Variants in SYT1 observed in about 807,000 individuals in gnomAD.
SYT1 encodes synaptotagmin-1.
In SYT1, 8 loss-of-function variants were observed where a neutral mutation model predicts 44.8. The ratio of observed to expected loss-of-function variants is 0.18; its 90% confidence interval spans 0.10 to 0.32. The LOEUF (loss-of-function observed/expected upper bound fraction) is 0.32, where lower values mean the gene tolerates loss of function less well. Ranked by LOEUF, SYT1 falls within the 10% of genes least tolerant of loss-of-function variation. SYT1 has a pLI of 1.00. For synonymous variants in SYT1, 154 were observed against 188.8 expected (o/e 0.82, Z 1.51); for missense variants, 286 against 509.3 (o/e 0.56, Z 4.22).
At chr12:78,994,486 CTTTT>C (rs376614789) in intron 2 of SYT1, among the ~76,000 whole-genome samples, 15 of 130,702 alleles carry the variant, frequency 1.1e-4, no homozygotes, top group African/African-American at 4.2e-4. Context: ...TTTTCTTCTC[CTTTT>C]TTTTTTTTTT....
At chr12:78,986,364 C>T (rs929790917) in intron 2 of SYT1, among the ~76,000 whole-genome samples, 4 of 151,634 alleles carry the variant, frequency 2.6e-5, no homozygotes, top group African/African-American at 9.7e-5. Context: ...TGTTTTTCCC[C>T]AAATTATTTT....
intron 3 of SYT1, among the ~76,000 whole-genome samples, chr12:79,056,123 T>C (rs1874918961): frequency 6.6e-6 from 1 of 152,068 alleles, no homozygotes; most frequent in Non-Finnish European, 1.5e-5. Flanking sequence ...TATAAGTACA[T>C]GCTATGCTGT....
At chr12:79,397,444 G>A (rs1323745738) in intron 9 of SYT1, among the ~76,000 whole-genome samples, 1 of 152,088 alleles carries the variant, frequency 6.6e-6, no homozygotes, top group African/African-American at 2.4e-5. Context: ...GCCCAGGCTG[G>A]TCTCGAACTC....
At chr12:79,263,736 C>A (rs1877965275) in intron 4 of SYT1, among the ~76,000 whole-genome samples, 1 of 152,000 alleles carries the variant, frequency 6.6e-6, no homozygotes, top group South Asian at 2.1e-4. Context: ...GCTTTTAATC[C>A]CCTAAGGAAA....
At chr12:78,925,341 T>C (rs1196833907) in intron 1 of SYT1, among the ~76,000 whole-genome samples, 1 of 152,014 alleles carries the variant, frequency 6.6e-6, no homozygotes, top group Non-Finnish European at 1.5e-5. Flanking sequence ...CTCACTAGAA[T>C]TGAATATTTG....
intron 3 of SYT1, among the ~76,000 whole-genome samples, chr12:79,190,445 C>T (rs1346725586): frequency 6.6e-6 from 1 of 152,140 alleles, no homozygotes; most frequent in East Asian, 1.9e-4. Flanking sequence ...CACACACACA[C>T]ATACATTTTC....
rs2138150147 is a variant in SYT1, at chr12:79,124,908, T to C, written c.-18+77546T>C. Among the ~76,000 whole-genome samples, 4 of 151,914 alleles carry C rather than the reference T, an allele frequency of 2.6e-5. No individual in the cohort carries two copies. In the South Asian group the frequency reaches 8.3e-4, roughly 32 times the overall value. On this transcript the variant is annotated intron_variant, in intron 3 of 10. Transcript: ENST00000261205. ...AGAGCTTCATTTGTTTCAAATGAAA[T>C]GAAGGGGAAAAAAGACTGGAGGAAA...
intron 2 of SYT1, among the ~76,000 whole-genome samples, chr12:78,988,609 G>A (rs1869814763): frequency 6.6e-6 from 1 of 151,864 alleles, no homozygotes; most frequent in African/African-American, 2.4e-5. Flanking sequence ...GAAGAGCATT[G>A]CAGACATAAA....
At chr12:79,163,963 G>A (rs1871101160) in intron 3 of SYT1, among the ~76,000 whole-genome samples, 1 of 152,008 alleles carries the variant, frequency 6.6e-6, no homozygotes, top group Non-Finnish European at 1.5e-5. Flanking sequence ...TATTGAATGA[G>A]AAAGAATTCT....
chr12:79,264,631 G>T (rs1412185098), intron 4 of SYT1, among the ~76,000 whole-genome samples: 1 of 152,156 alleles, frequency 6.6e-6, no homozygotes, highest in Non-Finnish European at 1.5e-5. Context: ...TAAAAATCTT[G>T]CTACTAATAC....
At chr12:79,293,349 A>G (rs576991462) in intron 6 of SYT1, among the ~76,000 whole-genome samples, 1,145 of 58,814 alleles carry the variant, frequency 0.019, 38 homozygotes, top group Middle Eastern at 0.098. Flanking sequence ...ATAAAATAAA[A>G]TAAAATAAAA....
chr12:78,885,289 GAAGGAGAGAAGA>G (rs1184343550), intron 1 of SYT1, among the ~76,000 whole-genome samples: 12 of 133,752 alleles, frequency 9.0e-5, no homozygotes, highest in Non-Finnish European at 1.9e-4. Flanking sequence ...AGGAGGGAAG[GAAGGAGAGAAGA>G]AAGGAGAGAG....
intron 3 of SYT1, among the ~76,000 whole-genome samples, chr12:79,051,072 C>A (rs1345721200): frequency 6.6e-6 from 1 of 151,534 alleles, no homozygotes; most frequent in Non-Finnish European, 1.5e-5. Flanking sequence ...TAATTAACCA[C>A]CCACCATTTT....
At chr12:79,255,275 A>G (rs953770834) in intron 4 of SYT1, among the ~76,000 whole-genome samples, 1 of 152,220 alleles carries the variant, frequency 6.6e-6, no homozygotes. Flanking sequence ...AAGACCCTGC[A>G]CCTGCAAAAG....
chr12:79,332,840 C>G (rs1881918161), intron 8 of SYT1, among the ~76,000 whole-genome samples: 1 of 152,172 alleles, frequency 6.6e-6, no homozygotes, highest in Non-Finnish European at 1.5e-5. Context: ...TTCACACACT[C>G]TCTTACCTAT....
At chr12:79,266,502 TAC>T (rs1878135678) in intron 4 of SYT1, among the ~76,000 whole-genome samples, 1 of 152,140 alleles carries the variant, frequency 6.6e-6, no homozygotes, top group South Asian at 2.1e-4. Context: ...GTCATGTGCT[TAC>T]AGTTGCAGTG....
intron 2 of SYT1, among the ~76,000 whole-genome samples, chr12:79,012,016 C>T (rs926381838): frequency 6.6e-6 from 1 of 151,698 alleles, no homozygotes; most frequent in African/African-American, 2.4e-5. Flanking sequence ...CCTGTAGTCC[C>T]AGCTACTCGG....
intron 8 of SYT1, among the ~76,000 whole-genome samples, chr12:79,349,033 A>AAGAAAGAAAGAAAGAGAAAG (rs1367804411): frequency 3.3e-5 from 4 of 120,212 alleles, no homozygotes; most frequent in African/African-American, 9.8e-5. Context: ...GAAAGAAAGA[A>AAGAAAGAAAGAAAGAGAAAG]AAAGAAAGAA....
At chr12:79,339,722 T>A (rs1423977820) in intron 8 of SYT1, among the ~76,000 whole-genome samples, 1 of 152,208 alleles carries the variant, frequency 6.6e-6, no homozygotes, top group African/African-American at 2.4e-5. Context: ...GCTTTTGGTG[T>A]TTTAGTCATG....
Sources: gnomAD v4.1 joint callset for allele counts (sites outside exome capture counted in the v4.1 genomes callset) on GRCh38, gnomAD v4.1.1 for gene constraint, MANE v1.5 for transcripts, NCBI Gene and HGNC (gene_info 2026-07-23, HGNC 2026-07-21) for gene names.